The following SPATS2L variants were observed in gnomAD, a reference collection of about 807,000 sequenced individuals.
SPATS2L encodes SPATS2-like protein.
Under a neutral mutation model 59.6 loss-of-function variants are expected in SPATS2L, and 30 were observed. The ratio of observed to expected loss-of-function variants is 0.50; its 90% CI spans 0.38 to 0.68. The LOEUF (loss-of-function observed/expected upper bound fraction) is 0.68. SPATS2L is among the 30% of genes least tolerant of loss of function. The pLI is 0.00. For synonymous variants in SPATS2L, 252 were observed against 263.5 expected (o/e 0.96, Z 0.42); for missense variants, 615 against 700.0 (o/e 0.88, Z 1.37).
At chr2:200,366,567 A>G (rs542007503) in intron 2 of SPATS2L, among the ~76,000 whole-genome samples, 1 of 152,214 alleles carries the variant, frequency 6.6e-6, no homozygotes, top group Non-Finnish European at 1.5e-5. Context: ...AATATTGATG[A>G]TTATTCATGG....
chr2:200,379,636 TG>T (rs896853656), intron 2 of SPATS2L, among the ~76,000 whole-genome samples: 14 of 152,174 alleles, frequency 9.2e-5, no homozygotes, highest in African/African-American at 3.4e-4. Context: ...TAAAGAACTA[TG>T]TTTGATCTTT....
chr2:200,308,420 T>C (rs1274943926), intron 1 of SPATS2L, among the ~76,000 whole-genome samples: 3 of 152,238 alleles, frequency 2.0e-5, no homozygotes, highest in Non-Finnish European at 4.4e-5. Flanking sequence ...TGATATTCTT[T>C]GTTGAATTTT....
chr2:200,359,003 A>AT (rs1480448045), intron 2 of SPATS2L, among the ~76,000 whole-genome samples: 3 of 151,612 alleles, frequency 2.0e-5, no homozygotes, highest in African/African-American at 4.9e-5. Context: ...TAAAAAAAAA[A>AT]ATACACACAC....
At chr2:200,378,356 G>A (rs1279955209) in intron 2 of SPATS2L, 12 of 1,002,408 alleles carry the variant, frequency 1.2e-5, no homozygotes, top group African/African-American at 1.7e-5. Context: ...TTTGGAGCAC[G>A]AGGAAACCTT....
intron 10 of SPATS2L, among the ~76,000 whole-genome samples, chr2:200,469,016 G>C (rs2086832060): frequency 6.6e-6 from 1 of 152,130 alleles, no homozygotes; most frequent in Non-Finnish European, 1.5e-5. Flanking sequence ...TGTGACCTTG[G>C]ATAAGTTACA....
chr2:200,444,522 C>A (rs1018459021), intron 8 of SPATS2L, among the ~76,000 whole-genome samples: 1 of 152,022 alleles, frequency 6.6e-6, no homozygotes, highest in Non-Finnish European at 1.5e-5. Context: ...TAAAGAGGCT[C>A]TAGAGAATGG....
intron 7 of SPATS2L, 68 bp from the exon 8 acceptor site, chr2:200,440,581 T>G: frequency 6.7e-7 from 1 of 1,494,318 alleles, no homozygotes; most frequent in Admixed American, 1.9e-5. Flanking sequence ...TTGCTTTGTT[T>G]TGTTGTTTAG....
chr2:200,416,407 G>A lies in SPATS2L; in HGVS notation c.177G>A (p.Trp59Ter). 1 of 1,493,056 alleles carries A rather than the reference G, an allele frequency of 6.7e-7. No individual in the cohort carries two copies. The highest frequency in any genetic ancestry group is 9.0e-7 in the Non-Finnish European group (1 of 1,106,652). 92.5% of individuals were successfully genotyped at this position (1,493,056 alleles called of 1,614,324 possible). Residue 59 changes from tryptophan (W) to a stop codon, truncating the protein, a stop_gained, in exon 5 of 13, where the codon TGG becomes TGA. Transcript: ENST00000409140. LOFTEE classifies it high-confidence loss of function. ...GTGCAATTCAAGTTCTAAAAGAATG[G>A]AATATGACAGGAAAAAAGAAGGTAA... is the stretch of plus-strand genomic sequence containing the variant. ...DGSAIQVLKEWNMTGKKKNNK... is the reference protein window; with the variant it reads ...DGSAIQVLKE
At chr2:200,424,930 T>C (rs1224504244) in intron 6 of SPATS2L, among the ~76,000 whole-genome samples, 1 of 152,230 alleles carries the variant, frequency 6.6e-6, no homozygotes, top group Non-Finnish European at 1.5e-5. Context: ...CTCCATGCCA[T>C]GCTTGCTGAC....
intron 8 of SPATS2L, among the ~76,000 whole-genome samples, chr2:200,448,095 G>A (rs188683698): frequency 6.6e-5 from 10 of 152,012 alleles, no homozygotes; most frequent in Admixed American, 3.9e-4. Flanking sequence ...GAGATAAGCC[G>A]TGATCATGCC....
chr2:200,389,130 C>T (rs1023784897), intron 2 of SPATS2L, 93 bp from the exon 3 acceptor site: 13 of 730,626 alleles, frequency 1.8e-5, no homozygotes, highest in South Asian at 3.8e-5. Flanking sequence ...TGATTATGAC[C>T]GAATGAAGTT....
intron 3 of SPATS2L, among the ~76,000 whole-genome samples, chr2:200,394,113 T>A (rs1224154625): frequency 6.6e-6 from 1 of 152,256 alleles, no homozygotes; most frequent in African/African-American, 2.4e-5. Flanking sequence ...AAAATATCTC[T>A]ACCTTGTTGG....
At chr2:200,315,288 A>G (rs1414811848) in intron 1 of SPATS2L, among the ~76,000 whole-genome samples, 1 of 152,212 alleles carries the variant, frequency 6.6e-6, no homozygotes, top group Non-Finnish European at 1.5e-5. Context: ...TACATGTACA[A>G]TGGGCATAGT....
intron 9 of SPATS2L, among the ~76,000 whole-genome samples, chr2:200,464,772 C>T (rs1206267286): frequency 1.9e-5 from 1 of 52,882 alleles, no homozygotes; most frequent in Non-Finnish European, 9.9e-5. Context: ...AGCCACTGCG[C>T]CTGGCAACAG....
intron 3 of SPATS2L, among the ~76,000 whole-genome samples, chr2:200,404,455 C>T (rs1487079951): frequency 6.6e-6 from 1 of 152,216 alleles, no homozygotes; most frequent in African/African-American, 2.4e-5. Context: ...ATTTCACTTT[C>T]CCTCACAAAA....
chr2:200,408,033 G>A (rs1022724952), intron 3 of SPATS2L, among the ~76,000 whole-genome samples: 3 of 152,246 alleles, frequency 2.0e-5, no homozygotes, highest in Admixed American at 2.0e-4. Flanking sequence ...TGGGAGACAC[G>A]ACACACACAC....
chr2:200,378,886 A>C (rs959261914), intron 2 of SPATS2L, among the ~76,000 whole-genome samples: 11 of 152,174 alleles, frequency 7.2e-5, no homozygotes, highest in Middle Eastern at 3.2e-3. Flanking sequence ...GTGAATATGC[A>C]GTGTTGTCCT....
At chr2:200,362,003 G>A (rs552828213) in intron 2 of SPATS2L, among the ~76,000 whole-genome samples, 11 of 152,284 alleles carry the variant, frequency 7.2e-5, no homozygotes, top group African/African-American at 2.4e-4. Context: ...CACTTCGGGA[G>A]GCCAAGGCAG....
intron 2 of SPATS2L, among the ~76,000 whole-genome samples, chr2:200,371,095 G>A (rs374722151): frequency 1.3e-5 from 2 of 152,238 alleles, no homozygotes; most frequent in Non-Finnish European, 2.9e-5. Context: ...AGTGTATACC[G>A]TGATGTGATT....
Sources: allele counts gnomAD v4.1 joint callset (sites outside exome capture counted in the v4.1 genomes callset), GRCh38; gene constraint gnomAD v4.1.1; transcripts MANE v1.5; gene names NCBI Gene and HGNC (gene_info 2026-07-23, HGNC 2026-07-21).